The following TMEM132C variants were observed in gnomAD, a reference collection of about 807,000 sequenced individuals.
TMEM132C encodes transmembrane protein 132C, also known as protein phosphatase 1, regulatory subunit 152.
A neutral mutation model predicts 61.4 loss-of-function variants in TMEM132C; 29 were observed. The observed-to-expected ratio is 0.47, with a 90% CI of 0.35 to 0.64. The LOEUF is 0.64. Among genes scored for constraint, TMEM132C ranks in the 30% least tolerant of loss-of-function variants. The probability of loss-of-function intolerance (pLI) is 0.00; values close to 1 mark genes in which losing one functional copy is unlikely to be tolerated. For synonymous variants in TMEM132C, 656 were observed against 633.1 expected, an observed-to-expected ratio of 1.04 and a Z score of -0.54; for missense variants, 1,408 against 1,476.9, an observed-to-expected ratio of 0.95 and a Z score of 0.76.
At chr12:128,651,234 G>A (rs113118672) in intron 4 of TMEM132C, among the ~76,000 whole-genome samples, 17 of 152,300 alleles carry the variant, frequency 1.1e-4, no homozygotes, top group African/African-American at 4.1e-4. Context: ...TGACACACAG[G>A]CTGCCCTGAG....
At chr12:128,394,262 A>G (rs554732365) in intron 1 of TMEM132C, among the ~76,000 whole-genome samples, 26 of 152,222 alleles carry the variant, frequency 1.7e-4, no homozygotes, top group Admixed American at 3.3e-4. Flanking sequence ...CCCCCCAACA[A>G]CATATGGAAA....
chr12:128,352,059 G>A (rs528849239), intron 1 of TMEM132C, among the ~76,000 whole-genome samples: 90 of 152,228 alleles, frequency 5.9e-4, no homozygotes, highest in Middle Eastern at 3.4e-3. Flanking sequence ...TCAGTCTTTT[G>A]TTGTATTCAG....
chr12:128,584,343 TC>T (rs1187170106), intron 3 of TMEM132C, among the ~76,000 whole-genome samples: 3 of 152,134 alleles, frequency 2.0e-5, no homozygotes, highest in Admixed American at 6.5e-5. Context: ...ACATGTCACC[TC>T]CTCCAGGAAG....
At chr12:128,666,689 A>T (rs1566008954) in intron 4 of TMEM132C, among the ~76,000 whole-genome samples, 3 of 152,228 alleles carry the variant, frequency 2.0e-5, no homozygotes, top group African/African-American at 7.2e-5. Flanking sequence ...TACCAGTCAG[A>T]AGAGTGGTTT....
intron 2 of TMEM132C, among the ~76,000 whole-genome samples, chr12:128,463,982 A>T (rs184574623): frequency 2.4e-4 from 36 of 152,204 alleles, no homozygotes; most frequent in Non-Finnish European, 1.0e-4. Context: ...TCTGGCATTT[A>T]CTTTTTCCAG....
rs1954522488 is a variant in TMEM132C at position 128,670,601 on chromosome 12, G to C, written c.1449+1041G>C. On this transcript the variant is annotated intron_variant, in intron 5 of 8. Coordinates refer to ENST00000435159, the MANE Select transcript of TMEM132C (RefSeq NM_001136103.3). The stretch of plus-strand genomic sequence containing the variant: ...TCGTCCACGTTCTAACAAATAATAG[G>C]ATTTCTTTATTTTTTTAAGGTTGAA... Among the ~76,000 whole-genome samples, 4 of 152,070 alleles carry C rather than the reference G, an allele frequency of 2.6e-5. No individual in the cohort carries two copies. The South Asian group carries it at 6.2e-4, about 24-fold the overall frequency.
At chr12:128,479,980 A>G (rs1374395490) in intron 2 of TMEM132C, among the ~76,000 whole-genome samples, 6 of 152,192 alleles carry the variant, frequency 3.9e-5, no homozygotes, top group Admixed American at 6.5e-5. Flanking sequence ...CTTTTTGCCC[A>G]GGCATGGTGG....
chr12:128,617,001 T>TA (rs1876822345), intron 4 of TMEM132C, among the ~76,000 whole-genome samples: 1 of 152,228 alleles, frequency 6.6e-6, no homozygotes, highest in Non-Finnish European at 1.5e-5. Flanking sequence ...TTCTTTGAGT[T>TA]ATAAAGGCTA....
chr12:128,536,405 G>C (rs1005299085), intron 2 of TMEM132C, among the ~76,000 whole-genome samples: 1 of 152,092 alleles, frequency 6.6e-6, no homozygotes, highest in Admixed American at 6.6e-5. Context: ...GTGGGGGGCT[G>C]GGGGAGGGAT....
rs2136125347 is a variant in TMEM132C, at chr12:128,518,405, TC to T, written c.975-25551del. The stretch of plus-strand genomic sequence containing the variant: ...TGGAACACAGGTATCCATGCCATCA[TC>T]ACTTGCCCTGTGGCTTGCTGGTTTG... On this transcript the variant is annotated intron_variant, in intron 2 of 8. Coordinates refer to ENST00000435159, the MANE Select transcript of TMEM132C (RefSeq NM_001136103.3). Among the ~76,000 whole-genome samples the T allele has an allele frequency of 1.3e-5, 2 of 152,256 alleles. 1 individual carries two copies. Among genetic ancestry groups the T allele is most frequent in the South Asian group, 4.1e-4 (2 of 4,822 alleles).
intron 4 of TMEM132C, among the ~76,000 whole-genome samples, chr12:128,658,045 G>C (rs1291529423): frequency 1.4e-5 from 2 of 148,142 alleles, no homozygotes; most frequent in Non-Finnish European, 3.0e-5. Context: ...GCAGGAGCAG[G>C]GACGCAGCTC....
chr12:128,511,694 G>A (rs1872571512), intron 2 of TMEM132C, among the ~76,000 whole-genome samples: 2 of 152,164 alleles, frequency 1.3e-5, no homozygotes. Flanking sequence ...CACCACCTAA[G>A]TGTGGTGGAT....
chr12:128,365,397 G>T (rs540691893), intron 1 of TMEM132C, among the ~76,000 whole-genome samples: 1 of 152,204 alleles, frequency 6.6e-6, no homozygotes, highest in Non-Finnish European at 1.5e-5. Flanking sequence ...TATACTATTA[G>T]ATATTATTTT....
At chr12:128,650,310 T>C (rs983443784) in intron 4 of TMEM132C, among the ~76,000 whole-genome samples, 2 of 152,204 alleles carry the variant, frequency 1.3e-5, no homozygotes, top group Non-Finnish European at 1.5e-5. Flanking sequence ...CTGACTGCTA[T>C]ATTCTTGGGG....
chr12:128,665,738 C>A (rs1215159885), intron 4 of TMEM132C, among the ~76,000 whole-genome samples: 1 of 144,736 alleles, frequency 6.9e-6, no homozygotes, highest in African/African-American at 2.8e-5. Flanking sequence ...CACAGGCACA[C>A]ACATACACCC....
intron 1 of TMEM132C, among the ~76,000 whole-genome samples, chr12:128,378,122 T>G (rs111793674): frequency 0.23 from 4,517 of 19,970 alleles, 80 homozygotes; most frequent in Non-Finnish European, 0.46. Flanking sequence ...TTTTTTTGTT[T>G]TTTTTTTTTT....
chr12:128,603,795 A>G (rs981174238), intron 3 of TMEM132C, among the ~76,000 whole-genome samples: 1 of 152,116 alleles, frequency 6.6e-6, no homozygotes, highest in African/African-American at 2.4e-5. Context: ...TCATAGCATC[A>G]TATAAAACTG....
intron 4 of TMEM132C, among the ~76,000 whole-genome samples, chr12:128,663,382 G>A (rs1188559455): frequency 1.3e-5 from 2 of 152,186 alleles, no homozygotes; most frequent in African/African-American, 4.8e-5. Context: ...CACACAACAT[G>A]TTCATGATCC....
chr12:128,308,631 A>G (rs531411623), intron 1 of TMEM132C, among the ~76,000 whole-genome samples: 11 of 152,272 alleles, frequency 7.2e-5, no homozygotes, highest in African/African-American at 2.4e-4. Flanking sequence ...AGGCTGGAGA[A>G]GCTCTTCCAG....
Sources: gnomAD v4.1 joint callset for allele counts (sites outside exome capture counted in the v4.1 genomes callset) on GRCh38, gnomAD v4.1.1 for gene constraint, MANE v1.5 for transcripts, NCBI Gene and HGNC (gene_info 2026-07-23, HGNC 2026-07-21) for gene names.